Variants in DDX46 observed in about 807,000 individuals in gnomAD.
DDX46 encodes DEAD-box helicase 46.
Under a neutral mutation model 134.9 loss-of-function variants are expected in DDX46, and 30 were observed. The observed-to-expected ratio is 0.22, with a 90% confidence interval of 0.17 to 0.30. DDX46 has a LOEUF of 0.30. DDX46 is among the 10% of genes least tolerant of loss of function. The probability of loss-of-function intolerance (pLI) is 1.00; values close to 1 mark genes in which losing one functional copy is unlikely to be tolerated. For missense variants in DDX46, 622 were observed against 1,248.7 expected, an observed-to-expected ratio of 0.50 and a Z score of 7.56; for synonymous variants, 415 against 404.1, an observed-to-expected ratio of 1.03 and a Z score of -0.32.
rs1214717245 is a variant in DDX46, at chr5:134,763,912, G to A, written c.26G>A (p.Arg9Gln). ...TTGACTTATTGTTCTAGCCACTATC[G>A]AAAACGATCGGCATCCCGGGGTCGC... MGRESRHY[R>Q]KRSASRGRSG... is the part of the protein sequence containing the mutation. The change falls in exon 2 of 23, where the codon CGA (arginine) becomes CAA (glutamine). Residue 9 changes from arginine to glutamine, a missense_variant. Physicochemically the swap from Arg to Gln is conservative, Grantham distance 43. Around this residue, in one of 8 missense-constraint regions of DDX46, gnomAD observed 244 missense variants for 349.3 expected, o/e 0.70. Transcript: ENST00000452510. The A allele has an allele frequency of 1.2e-6, 2 of 1,613,818 alleles. No homozygotes were observed. Among genetic ancestry groups the A allele is most frequent in the Non-Finnish European group, 8.5e-7 (1 of 1,179,940 alleles).
In DDX46 at chr5:134,823,337, A is replaced by G. The variant is rs1216438048; in HGVS notation, c.2978-3610A>G. Among the ~76,000 whole-genome samples the G allele has an allele frequency of 4.0e-5, 6 of 151,526 alleles. No individual in the cohort carries two copies. The East Asian group carries it at 1.2e-3, about 30-fold the overall frequency. ...GTATTTTTAGTAGAGATGGGGTTTC[A>G]CCATTGTTGGCCAGGATGGTCTCGA... On this transcript the variant is annotated intron_variant, in intron 21 of 22. Coordinates refer to ENST00000452510, the MANE Select transcript of DDX46 (RefSeq NM_001300860.2).
chr5:134,785,111 C>T (rs1371411143), intron 10 of DDX46, among the ~76,000 whole-genome samples: 1 of 152,162 alleles, frequency 6.6e-6, no homozygotes, highest in Non-Finnish European at 1.5e-5. Context: ...AAGGTTGTTT[C>T]TGGAAGCAGC....
intron 13 of DDX46, among the ~76,000 whole-genome samples, chr5:134,791,580 A>G (rs941049735): frequency 2.6e-5 from 4 of 151,870 alleles, no homozygotes; most frequent in African/African-American, 9.7e-5. Context: ...AAAAAGTGGT[A>G]GAAGGTTTTC....
chr5:134,809,953 C>T (rs1755095324), intron 16 of DDX46, among the ~76,000 whole-genome samples: 3 of 152,100 alleles, frequency 2.0e-5, no homozygotes, highest in Admixed American at 6.5e-5. Flanking sequence ...GCAGAGGTTG[C>T]GATGAACCAA....
chr5:134,821,264 G>T (rs1012692623), intron 21 of DDX46, among the ~76,000 whole-genome samples: 8 of 151,238 alleles, frequency 5.3e-5, no homozygotes, highest in African/African-American at 1.9e-4. Flanking sequence ...GGATGGTCTC[G>T]ATCTCCTGAC....
intron 18 of DDX46, 81 bp from the exon 19 acceptor site, chr5:134,816,349 C>T (rs1304532846): frequency 1.5e-6 from 2 of 1,308,550 alleles, no homozygotes; most frequent in Non-Finnish European, 2.1e-6. Flanking sequence ...TGGAAACATT[C>T]CTTATTTATT....
At chr5:134,818,830 G>A in intron 20 of DDX46, 30 bp from the exon 21 acceptor site, 1 of 1,597,442 alleles carries the variant, frequency 6.3e-7, no homozygotes, top group Non-Finnish European at 8.5e-7. Flanking sequence ...GTTATGAAGT[G>A]ATTTTTCTTT....
chr5:134,826,104 G>T (rs771583382), intron 21 of DDX46: 1 of 152,118 alleles, frequency 6.6e-6, no homozygotes, highest in Non-Finnish European at 1.5e-5. Context: ...ACTTAACTGT[G>T]CCTTTCAGAG....
chr5:134,785,283 A>G (rs1428151831), intron 10 of DDX46, among the ~76,000 whole-genome samples, 182 bp from the exon 11 acceptor site: 1 of 152,216 alleles, frequency 6.6e-6, no homozygotes, highest in Non-Finnish European at 1.5e-5. Context: ...AAATCTGCTT[A>G]TATTTATCCT....
At chr5:134,799,439 A>G (rs1415548501) in intron 15 of DDX46, among the ~76,000 whole-genome samples, 36 of 149,912 alleles carry the variant, frequency 2.4e-4, no homozygotes, top group Non-Finnish European at 4.7e-4. Context: ...ATTTGTGAAT[A>G]TTTAAAAAAA....
chr5:134,820,280 T>C (rs1230920524), intron 21 of DDX46, among the ~76,000 whole-genome samples: 1 of 152,258 alleles, frequency 6.6e-6, no homozygotes, highest in Middle Eastern at 3.2e-3. Context: ...GTTTTTGTTT[T>C]CTGACATTAT....
chr5:134,800,227 C>T (rs534716235), intron 15 of DDX46, among the ~76,000 whole-genome samples: 58 of 152,282 alleles, frequency 3.8e-4, no homozygotes, highest in African/African-American at 1.4e-3. Flanking sequence ...GGGTTACAGG[C>T]GTGAGCTCCT....
rs375454506 is a variant in DDX46, at chr5:134,783,116, G to A, written c.1166+51G>A. The stretch of plus-strand genomic sequence containing the variant: ...TTTCCGTGTCTTGCTGCTCAAAATA[G>A]TCCTTCCACACCAGTGTCTCCCTGA... On this transcript the variant is annotated intron_variant, in intron 9 of 22. Transcript: ENST00000452510. The A allele has an allele frequency of 2.6e-5, 42 of 1,596,866 alleles. No individual in the cohort carries two copies. In the African/African-American group the frequency reaches 4.7e-4, roughly 18 times the overall value.
chr5:134,768,132 C>G (rs1218061254), intron 3 of DDX46, among the ~76,000 whole-genome samples: 1 of 149,870 alleles, frequency 6.7e-6, no homozygotes, highest in Admixed American at 6.7e-5. Flanking sequence ...TTTTAACAGC[C>G]AAAGTCTCGT....
At chr5:134,767,193 G>A (rs1300742548) in intron 3 of DDX46, 133 bp downstream of exon 3, 3 of 1,119,226 alleles carry the variant, frequency 2.7e-6, no homozygotes, top group Non-Finnish European at 3.6e-6. Context: ...ATGAACTGTT[G>A]GCAGTGTTTT....
chr5:134,824,357 C>G (rs1474085130), intron 21 of DDX46, among the ~76,000 whole-genome samples: 1 of 152,192 alleles, frequency 6.6e-6, no homozygotes, highest in Non-Finnish European at 1.5e-5. Context: ...CTTTGGGAGG[C>G]CGAAGCGGGC....
intron 13 of DDX46, among the ~76,000 whole-genome samples, chr5:134,794,555 G>C (rs985053995): frequency 6.6e-6 from 1 of 152,106 alleles, no homozygotes; most frequent in African/African-American, 2.4e-5. Context: ...AAAATGTGTT[G>C]AATAAATGAA....
chr5:134,793,562 G>T (rs1754569508), intron 13 of DDX46, among the ~76,000 whole-genome samples: 1 of 151,984 alleles, frequency 6.6e-6, no homozygotes, highest in African/African-American at 2.4e-5. Flanking sequence ...GTGCCACCAT[G>T]CCTGGCTAAT....
chr5:134,783,672 C>G (rs933783646), intron 9 of DDX46, among the ~76,000 whole-genome samples: 3 of 147,562 alleles, frequency 2.0e-5, no homozygotes, highest in African/African-American at 7.6e-5. Context: ...GCCTCAGCCT[C>G]CCAAGTAGGT....
Sources: allele counts gnomAD v4.1 joint callset (sites outside exome capture counted in the v4.1 genomes callset), GRCh38; gene constraint gnomAD v4.1.1; regional missense constraint gnomAD v4.1.1; transcripts MANE v1.5; gene names NCBI Gene and HGNC (gene_info 2026-07-23, HGNC 2026-07-21).